Variants in DLGAP2 observed in about 807,000 individuals in gnomAD.
DLGAP2 encodes the protein DLG associated protein 2.
A neutral mutation model predicts 100.3 loss-of-function variants in DLGAP2; 26 were observed. The ratio of observed to expected loss-of-function variants is 0.26; its 90% confidence interval spans 0.19 to 0.36. The LOEUF is 0.36. Ranked by LOEUF, DLGAP2 falls within the 10% of genes least tolerant of loss-of-function variation. DLGAP2 has a pLI of 1.00. For synonymous variants in DLGAP2, 886 were observed against 630.1 expected, an observed-to-expected ratio of 1.41 and a Z score of -6.08; for missense variants, 1,858 against 1,453.2, an observed-to-expected ratio of 1.28 and a Z score of -4.53.
chr8:1,670,808 G>A (rs554525471), intron 10 of DLGAP2, among the ~76,000 whole-genome samples: 3 of 152,372 alleles, frequency 2.0e-5, no homozygotes, highest in Admixed American at 6.5e-5. Flanking sequence ...AGCAGCTCCA[G>A]TGTCAGGATA....
chr8:1,600,447 G>T (rs1796590009), intron 6 of DLGAP2, among the ~76,000 whole-genome samples: 1 of 152,114 alleles, frequency 6.6e-6, no homozygotes. Context: ...AGTTCTCCTG[G>T]ATTATATCCT....
At chr8:1,170,197 G>A (rs1431009821) in intron 2 of DLGAP2, among the ~76,000 whole-genome samples, 28 of 152,146 alleles carry the variant, frequency 1.8e-4, no homozygotes, top group African/African-American at 2.2e-4. Flanking sequence ...ATTGATTTGC[G>A]TATATTGAAC....
chr8:1,139,025 G>A (rs1215957637), intron 2 of DLGAP2, among the ~76,000 whole-genome samples: 1 of 152,256 alleles, frequency 6.6e-6, no homozygotes, highest in Non-Finnish European at 1.5e-5. Context: ...CCCCTGGCTG[G>A]TTACGCACTG....
chr8:1,273,205 T>G (rs993933144), intron 3 of DLGAP2, among the ~76,000 whole-genome samples: 1 of 152,120 alleles, frequency 6.6e-6, no homozygotes, highest in African/African-American at 2.4e-5. Flanking sequence ...AGGGGGGCCC[T>G]CCCACCAGCC....
At chr8:1,550,818 A>G (rs1240412404) in intron 5 of DLGAP2, among the ~76,000 whole-genome samples, 1 of 152,226 alleles carries the variant, frequency 6.6e-6, no homozygotes, top group Non-Finnish European at 1.5e-5. Context: ...GATGCCACTC[A>G]GTGACTTCCA....
chr8:923,229 C>G (rs892918998), intron 2 of DLGAP2, among the ~76,000 whole-genome samples: 2 of 152,102 alleles, frequency 1.3e-5, no homozygotes, highest in Admixed American at 6.6e-5. Context: ...TGTTAGGTAG[C>G]AAACCACAGG....
At chr8:1,499,660 G>C (rs551688011) in intron 3 of DLGAP2, among the ~76,000 whole-genome samples, 4 of 152,324 alleles carry the variant, frequency 2.6e-5, no homozygotes, top group African/African-American at 9.6e-5. Context: ...TAAATCATTT[G>C]AGCTGTCTTG....
At chr8:1,532,014 C>A (rs1386888190) in intron 4 of DLGAP2, among the ~76,000 whole-genome samples, 2 of 152,148 alleles carry the variant, frequency 1.3e-5, no homozygotes, top group Non-Finnish European at 2.9e-5. Context: ...CTGGTTCCGT[C>A]CAGAGGGGGT....
intron 3 of DLGAP2, among the ~76,000 whole-genome samples, chr8:1,348,142 C>G (rs2117098887): frequency 6.6e-6 from 1 of 151,554 alleles, no homozygotes; most frequent in South Asian, 2.1e-4. Flanking sequence ...AGGTTGAGTT[C>G]CCATACAGAG....
At chr8:1,089,812 G>T (rs1457466559) in intron 2 of DLGAP2, among the ~76,000 whole-genome samples, 1 of 152,216 alleles carries the variant, frequency 6.6e-6, no homozygotes, top group African/African-American at 2.4e-5. Context: ...CTTTTGTATG[G>T]ATTCCACATT....
intron 1 of DLGAP2, among the ~76,000 whole-genome samples, chr8:826,786 C>A (rs1367495120): frequency 6.6e-6 from 1 of 152,060 alleles, no homozygotes; most frequent in African/African-American, 2.4e-5. Context: ...TTCCTGTGTC[C>A]CAGCTACGTT....
chr8:816,397 G>C (rs941315759), intron 1 of DLGAP2, among the ~76,000 whole-genome samples: 1 of 151,942 alleles, frequency 6.6e-6, no homozygotes, highest in African/African-American at 2.4e-5. Flanking sequence ...CCTTGTAGCA[G>C]TTCTTATAGT....
chr8:913,858 C>T (rs922718321), intron 2 of DLGAP2, among the ~76,000 whole-genome samples: 32 of 152,296 alleles, frequency 2.1e-4, no homozygotes, highest in Middle Eastern at 3.4e-3. Context: ...CGGTGTGGAC[C>T]GGGAACCCTG....
intron 1 of DLGAP2, among the ~76,000 whole-genome samples, chr8:873,027 A>C (rs1490888433): frequency 6.6e-6 from 1 of 152,172 alleles, no homozygotes; most frequent in Non-Finnish European, 1.5e-5. Context: ...TGTAAGTACT[A>C]TGTGCATGTA....
chr8:1,488,231 C>T (rs1055598004), intron 3 of DLGAP2, among the ~76,000 whole-genome samples: 3 of 152,122 alleles, frequency 2.0e-5, no homozygotes, highest in East Asian at 1.9e-4. Context: ...AACTCCCACC[C>T]GGCAGTTCAC....
At chr8:1,699,901 A>C (rs117650608) in intron 14 of DLGAP2, among the ~76,000 whole-genome samples, 4,345 of 152,320 alleles carry the variant, frequency 0.029, 81 homozygotes, top group South Asian at 0.071. Flanking sequence ...GGGACACCAA[A>C]AGAGGAAACA....
chr8:1,531,600 ACT>A (rs1352226502), intron 4 of DLGAP2, among the ~76,000 whole-genome samples: 2 of 152,016 alleles, frequency 1.3e-5, no homozygotes, highest in Admixed American at 6.6e-5. Context: ...CAAGAATGAA[ACT>A]CTGTCTCAAA....
chr8:1,586,899 A>T (rs1283428530), intron 6 of DLGAP2, among the ~76,000 whole-genome samples: 1 of 152,168 alleles, frequency 6.6e-6, no homozygotes, highest in Non-Finnish European at 1.5e-5. Context: ...GCTCCCTCTG[A>T]AGCTTTTATG....
intron 2 of DLGAP2, among the ~76,000 whole-genome samples, chr8:1,251,222 T>C (rs1314953464): frequency 6.6e-6 from 1 of 152,222 alleles, no homozygotes; most frequent in Non-Finnish European, 1.5e-5. Flanking sequence ...TTAGCATTTA[T>C]AAATATACAT....
Sources: allele counts gnomAD v4.1 joint callset (sites outside exome capture counted in the v4.1 genomes callset), GRCh38; gene constraint gnomAD v4.1.1; transcripts MANE v1.5; gene names NCBI Gene and HGNC (gene_info 2026-07-23, HGNC 2026-07-21).